LDLRAD3: variants seen among roughly 807,000 people sequenced by gnomAD.
The protein encoded by LDLRAD3 is low-density lipoprotein receptor class A domain-containing protein 3.
In LDLRAD3, 20 loss-of-function variants were observed where a neutral mutation model predicts 29.4. The ratio of observed to expected loss-of-function variants is 0.68; its 90% CI spans 0.48 to 0.99. The LOEUF (loss-of-function observed/expected upper bound fraction) is 0.99, where lower values mean the gene tolerates loss of function less well. Among genes scored for constraint, LDLRAD3 ranks in the 50% least tolerant of loss-of-function variants. The pLI is 0.00. For missense variants in LDLRAD3, 420 were observed against 454.3 expected, an observed-to-expected ratio of 0.92 and a Z score of 0.69; for synonymous variants, 157 against 192.7, an observed-to-expected ratio of 0.81 and a Z score of 1.53.
At chr11:36,038,758 G>T (rs1246778854) in intron 2 of LDLRAD3, among the ~76,000 whole-genome samples, 1 of 152,130 alleles carries the variant, frequency 6.6e-6, no homozygotes, top group Non-Finnish European at 1.5e-5. Flanking sequence ...TAACCCCCAA[G>T]TGTGGTGGAG....
intron 2 of LDLRAD3, among the ~76,000 whole-genome samples, chr11:36,066,517 A>G (rs765133920): frequency 1.6e-4 from 25 of 152,226 alleles, no homozygotes; most frequent in Non-Finnish European, 3.5e-4. Flanking sequence ...ATTCCAATGT[A>G]TATGCACACA....
intron 1 of LDLRAD3, among the ~76,000 whole-genome samples, chr11:36,013,471 C>G (rs1161860411): frequency 4.0e-5 from 6 of 149,494 alleles, no homozygotes; most frequent in African/African-American, 9.9e-5. Context: ...CCCCACCCCC[C>G]TACAGGCCCC....
chr11:35,970,497 C>T (rs1264729228), intron 1 of LDLRAD3, among the ~76,000 whole-genome samples: 1 of 152,206 alleles, frequency 6.6e-6, no homozygotes, highest in African/African-American at 2.4e-5. Context: ...CTGCCGACAC[C>T]TTGAACTTCT....
At chr11:36,044,201 T>C (rs1852418840) in intron 2 of LDLRAD3, among the ~76,000 whole-genome samples, 1 of 152,122 alleles carries the variant, frequency 6.6e-6, no homozygotes, top group African/African-American at 2.4e-5. Context: ...AAAATGGAGA[T>C]AATAGCAGTG....
At chr11:36,154,997 CCACCCTCT>C (rs1331714467) in intron 4 of LDLRAD3, among the ~76,000 whole-genome samples, 1 of 152,196 alleles carries the variant, frequency 6.6e-6, no homozygotes, top group East Asian at 1.9e-4. Flanking sequence ...TCCCTGTTTT[CCACCCTCT>C]CACCCTTGCC....
At chr11:36,054,136 C>T (rs961657125) in intron 2 of LDLRAD3, among the ~76,000 whole-genome samples, 17 of 152,334 alleles carry the variant, frequency 1.1e-4, no homozygotes, top group South Asian at 2.1e-4. Flanking sequence ...GGTTTCCCCC[C>T]CATTTTCTGC....
chr11:36,099,039 C>T lies in LDLRAD3; in HGVS notation c.454+578C>T, dbSNP rs143873557. Among the ~76,000 whole-genome samples the T allele has an allele frequency of 1.9e-3, 294 of 152,220 alleles. 2 individuals are homozygous for T. Among genetic ancestry groups the T allele is most frequent in the African/African-American group, 6.6e-3 (276 of 41,530 alleles). Reference sequence around the variant, plus strand: ...TTTGGTAGTCATAGAATAACAACCTCCCCAAATGCTTTCATTTGCATTTCT... The same window carrying T: ...TTTGGTAGTCATAGAATAACAACCTTCCCAAATGCTTTCATTTGCATTTCT... On this transcript the variant is annotated intron_variant, in intron 4 of 5. Coordinates refer to ENST00000315571, the MANE Select transcript of LDLRAD3 (RefSeq NM_174902.4).
intron 2 of LDLRAD3, among the ~76,000 whole-genome samples, chr11:36,059,922 G>T (rs1235659515): frequency 1.3e-5 from 2 of 152,218 alleles, no homozygotes; most frequent in Non-Finnish European, 2.9e-5. Context: ...GGGAATAGGA[G>T]GGATAGTAAT....
At chr11:36,205,989 C>A (rs1384048962) in intron 4 of LDLRAD3, among the ~76,000 whole-genome samples, 2 of 152,192 alleles carry the variant, frequency 1.3e-5, no homozygotes, top group Non-Finnish European at 2.9e-5. Flanking sequence ...GTGGAAGTAT[C>A]ACCAGAAGAA....
In LDLRAD3 at chr11:36,222,329, C is replaced by G. The variant is rs141667672; in HGVS notation, c.455-4756C>G. Reference sequence around the variant, plus strand: ...GAGCTCCTGGACTCAAGCCATCCCCCCTACTTTCACCTCCCAAAGAGCTGG... The same window carrying G: ...GAGCTCCTGGACTCAAGCCATCCCCGCTACTTTCACCTCCCAAAGAGCTGG... On this transcript the variant is annotated intron_variant, in intron 4 of 5. Transcript: ENST00000315571. 5.5e-3 allele frequency among the ~76,000 whole-genome samples: 836 copies of G among 152,234 alleles called. 5 individuals are homozygous for G. The highest frequency in any genetic ancestry group is 0.019 in the African/African-American group (780 of 41,536).
At chr11:36,001,775 G>GTT (rs1851828486) in intron 1 of LDLRAD3, among the ~76,000 whole-genome samples, 1 of 146,860 alleles carries the variant, frequency 6.8e-6, no homozygotes, top group Non-Finnish European at 1.5e-5. Flanking sequence ...GTGTGTGTGT[G>GTT]TGTGTGTGTG....
intron 4 of LDLRAD3, among the ~76,000 whole-genome samples, chr11:36,156,356 TA>T (rs1854351156): frequency 6.6e-6 from 1 of 152,230 alleles, no homozygotes; most frequent in Non-Finnish European, 1.5e-5. Context: ...TTTGTTCGTA[TA>T]GCCAGCTCTG....
At chr11:36,196,329 C>T (rs1365910542) in intron 4 of LDLRAD3, 1 of 152,222 alleles carries the variant, frequency 6.6e-6, no homozygotes, top group Non-Finnish European at 1.5e-5. Flanking sequence ...AGCTCACCTG[C>T]AGCCCGTGAA....
chr11:35,966,201 G>T (rs1257282525), intron 1 of LDLRAD3, among the ~76,000 whole-genome samples: 2 of 152,194 alleles, frequency 1.3e-5, no homozygotes, highest in Non-Finnish European at 2.9e-5. Flanking sequence ...GCCGAGGTGG[G>T]TGGATCAGAG....
At chr11:36,114,108 G>A (rs1365730018) in intron 4 of LDLRAD3, among the ~76,000 whole-genome samples, 12 of 152,214 alleles carry the variant, frequency 7.9e-5, no homozygotes, top group Non-Finnish European at 1.8e-4. Context: ...GGACTGAGCC[G>A]ATAGGTCAAA....
chr11:36,165,963 TCCC>T (rs1854508224), intron 4 of LDLRAD3, among the ~76,000 whole-genome samples: 1 of 44,518 alleles, frequency 2.2e-5, no homozygotes, highest in Non-Finnish European at 4.5e-5. Context: ...CCTCCCTCCC[TCCC>T]TCCCTCCCTC....
chr11:36,077,708 T>C lies in LDLRAD3; in HGVS notation c.194-3945T>C, dbSNP rs116194307. ...TGTGGTGCCCAGAACCTTGGAGACT[T>C]CAGCAACCACAGAGCCCTAAAGAGT... On this transcript the variant is annotated intron_variant, in intron 2 of 5. Transcript: ENST00000315571. Among the ~76,000 whole-genome samples, 1,210 of 152,290 alleles carry C rather than the reference T, an allele frequency of 7.9e-3. 15 individuals carry two copies. Among genetic ancestry groups the C allele is most frequent in the African/African-American group, 0.028 (1,168 of 41,564 alleles).
chr11:36,092,929 T>C (rs1261982716), intron 3 of LDLRAD3, among the ~76,000 whole-genome samples: 1 of 152,244 alleles, frequency 6.6e-6, no homozygotes, highest in Admixed American at 6.5e-5. Context: ...TCTACCATCC[T>C]CTGCTTCTGT....
chr11:36,105,154 A>C (rs1472881297), intron 4 of LDLRAD3, among the ~76,000 whole-genome samples: 1 of 150,530 alleles, frequency 6.6e-6, no homozygotes, highest in Non-Finnish European at 1.5e-5. Context: ...GAGATTTGGC[A>C]CCTCACTGGA....
Sources: allele counts gnomAD v4.1 joint callset (sites outside exome capture counted in the v4.1 genomes callset), GRCh38; gene constraint gnomAD v4.1.1; transcripts MANE v1.5; gene names NCBI Gene and HGNC (gene_info 2026-07-23, HGNC 2026-07-21).